TNPO3: variants seen among roughly 807,000 people sequenced by gnomAD.
The protein encoded by TNPO3 is transportin 3.
Under a neutral mutation model 122.8 loss-of-function variants are expected in TNPO3, and 65 were observed. The ratio of observed to expected loss-of-function variants is 0.53; its 90% CI spans 0.43 to 0.65. The LOEUF (loss-of-function observed/expected upper bound fraction) is 0.65. Among genes scored for constraint, TNPO3 ranks in the 30% least tolerant of loss-of-function variants. The pLI, the probability that TNPO3 is intolerant of heterozygous loss-of-function variation, is 0.00. For missense variants in TNPO3, 850 were observed against 1,136.7 expected, an observed-to-expected ratio of 0.75 and a Z score of 3.63; for synonymous variants, 372 against 411.2, an observed-to-expected ratio of 0.90 and a Z score of 1.15.
chr7:128,977,882 C>T (rs564866368), intron 16 of TNPO3, among the ~76,000 whole-genome samples: 2 of 152,242 alleles, frequency 1.3e-5, no homozygotes, highest in South Asian at 2.1e-4. Flanking sequence ...AGGCGTGAGG[C>T]ACTGCACCTG....
intron 18 of TNPO3, among the ~76,000 whole-genome samples, chr7:128,974,633 G>T (rs1266479674): frequency 3.3e-5 from 5 of 150,150 alleles, no homozygotes; most frequent in Non-Finnish European, 7.5e-5. Context: ...GCATTGTCTT[G>T]TGTGTGAGCC....
At chr7:129,003,648 G>A (rs893116862) in intron 5 of TNPO3, among the ~76,000 whole-genome samples, 2 of 152,026 alleles carry the variant, frequency 1.3e-5, no homozygotes, top group African/African-American at 2.4e-5. Flanking sequence ...CAGTCTGGAC[G>A]ACAGGGAGAC....
chr7:129,000,119 T>G (rs1801769767), intron 7 of TNPO3, among the ~76,000 whole-genome samples: 1 of 152,128 alleles, frequency 6.6e-6, no homozygotes, highest in African/African-American at 2.4e-5. Flanking sequence ...GAATTTGGTG[T>G]TTTTTAGCTG....
intron 1 of TNPO3, among the ~76,000 whole-genome samples, chr7:129,037,793 C>T (rs746384777): frequency 1.3e-5 from 2 of 152,136 alleles, no homozygotes; most frequent in Admixed American, 6.5e-5. Flanking sequence ...AAAACCTCTA[C>T]CCCTAGGGGA....
At chr7:129,003,065 T>C (rs997935710) in intron 5 of TNPO3, among the ~76,000 whole-genome samples, 1 of 49,686 alleles carries the variant, frequency 2.0e-5, no homozygotes, top group Non-Finnish European at 4.0e-5. Flanking sequence ...AAAAAAAAAA[T>C]ACAAAAAATT....
intron 11 of TNPO3, among the ~76,000 whole-genome samples, chr7:128,987,549 A>AT (rs1450052761): frequency 2.6e-5 from 4 of 152,090 alleles, no homozygotes; most frequent in South Asian, 2.1e-4. Flanking sequence ...TAAAAATCAG[A>AT]TTTTTTTTCT....
intron 20 of TNPO3, among the ~76,000 whole-genome samples, chr7:128,967,872 C>T (rs952578250): frequency 6.6e-6 from 1 of 152,120 alleles, no homozygotes; most frequent in East Asian, 1.9e-4. Flanking sequence ...ACCTCAGCTT[C>T]CCAGGTAGCT....
At chr7:128,958,806 C>T (rs1156347529) in intron 21 of TNPO3, among the ~76,000 whole-genome samples, 1 of 152,180 alleles carries the variant, frequency 6.6e-6, no homozygotes, top group Non-Finnish European at 1.5e-5. Context: ...GTGGCTCATG[C>T]TTGTAATCCC....
At chr7:129,039,424 G>C (rs1381712050) in intron 1 of TNPO3, among the ~76,000 whole-genome samples, 1 of 152,114 alleles carries the variant, frequency 6.6e-6, no homozygotes, top group Admixed American at 6.6e-5. Flanking sequence ...GCTGGGCATG[G>C]TAGTGTGCAC....
chr7:129,023,219 A>C (rs1804737917), intron 1 of TNPO3, among the ~76,000 whole-genome samples: 1 of 152,164 alleles, frequency 6.6e-6, no homozygotes, highest in African/African-American at 2.4e-5. Flanking sequence ...AGACATAAAA[A>C]GGCTTAAGTT....
At chr7:129,037,660 A>C (rs1806854595) in intron 1 of TNPO3, among the ~76,000 whole-genome samples, 1 of 152,166 alleles carries the variant, frequency 6.6e-6, no homozygotes, top group Non-Finnish European at 1.5e-5. Context: ...GCGAAAAAGC[A>C]CAAAAATCTC....
intron 1 of TNPO3, among the ~76,000 whole-genome samples, chr7:129,039,558 T>TA (rs202218466): frequency 0.014 from 2,070 of 151,088 alleles, 34 homozygotes; most frequent in African/African-American, 0.047. Flanking sequence ...AGATTCTGTC[T>TA]AAAAAAAAAT....
intron 1 of TNPO3, among the ~76,000 whole-genome samples, chr7:129,044,312 T>C (rs1232334415): frequency 6.6e-6 from 1 of 152,158 alleles, no homozygotes; most frequent in East Asian, 1.9e-4. Context: ...TTCTCTTGCT[T>C]TGAAGATAAC....
intron 16 of TNPO3, among the ~76,000 whole-genome samples, chr7:128,977,508 G>A (rs1300854174): frequency 6.6e-6 from 1 of 152,150 alleles, no homozygotes; most frequent in Non-Finnish European, 1.5e-5. Flanking sequence ...GGTTATCCAA[G>A]TACCAACACC....
intron 12 of TNPO3, 96 bp from the exon 13 acceptor site, chr7:128,984,355 G>T: frequency 1.4e-6 from 1 of 693,662 alleles, no homozygotes; most frequent in East Asian, 2.7e-5. Context: ...AAGCGAACTG[G>T]TTTGGTTCCA....
At chr7:129,047,772 A>AT (rs1808229023) in intron 1 of TNPO3, among the ~76,000 whole-genome samples, 3 of 152,236 alleles carry the variant, frequency 2.0e-5, no homozygotes, top group Non-Finnish European at 4.4e-5. Context: ...AAACCACACA[A>AT]ATTCTATGCC....
intron 1 of TNPO3, among the ~76,000 whole-genome samples, chr7:129,018,707 C>T (rs1375241780): frequency 1.3e-5 from 2 of 152,066 alleles, no homozygotes; most frequent in South Asian, 4.1e-4. Flanking sequence ...AAATATTTCA[C>T]ATCCTTCAAT....
chr7:128,997,598 TTA>T (rs1389173153), intron 7 of TNPO3, 63 bp from the exon 8 acceptor site: 1 of 1,388,016 alleles, frequency 7.2e-7, no homozygotes, highest in East Asian at 2.3e-5. Context: ...AGACATTTTA[TTA>T]TCACCACGAC....
chr7:128,971,234 C>A (rs1384212347), intron 19 of TNPO3, among the ~76,000 whole-genome samples: 1 of 151,846 alleles, frequency 6.6e-6, no homozygotes, highest in Admixed American at 6.6e-5. Flanking sequence ...AAACCTCCAT[C>A]CCCTGGGTTC....
Sources: gnomAD v4.1 joint callset for allele counts (sites outside exome capture counted in the v4.1 genomes callset) on GRCh38, gnomAD v4.1.1 for gene constraint, MANE v1.5 for transcripts, NCBI Gene and HGNC (gene_info 2026-07-23, HGNC 2026-07-21) for gene names.